The following CEP290 variants were observed in gnomAD, a reference collection of about 807,000 sequenced individuals.
CEP290 encodes centrosomal protein of 290 kDa.
In CEP290, 317 loss-of-function variants were observed where a neutral mutation model predicts 344.9. That is an observed-to-expected ratio of 0.92 (90% CI 0.84 to 1.01). CEP290 has a LOEUF of 1.01. CEP290 is among the 50% of genes least tolerant of loss of function. The probability of loss-of-function intolerance (pLI) is 0.00; values close to 1 mark genes in which losing one functional copy is unlikely to be tolerated. For missense variants in CEP290, 2,754 were observed against 2,761.4 expected (o/e 1.00, Z 0.06); for synonymous variants, 932 against 895.8 (o/e 1.04, Z -0.72).
intron 6 of CEP290, among the ~76,000 whole-genome samples, chr12:88,134,627 T>C (rs980900040): frequency 6.6e-6 from 1 of 152,200 alleles, no homozygotes; most frequent in African/African-American, 2.4e-5. Flanking sequence ...TTACCATTTA[T>C]AAGCTGTGCA....
At chr12:88,085,054 A>AT (rs1428452609) in intron 34 of CEP290, among the ~76,000 whole-genome samples, 2 of 152,284 alleles carry the variant, frequency 1.3e-5, no homozygotes, top group Middle Eastern at 3.4e-3. Context: ...TTATAAGACT[A>AT]TTACATATGC....
intron 25 of CEP290, among the ~76,000 whole-genome samples, chr12:88,105,964 T>C (rs1036500353): frequency 2.6e-5 from 4 of 152,110 alleles, no homozygotes; most frequent in Admixed American, 6.5e-5. Context: ...GGAGTCTCAC[T>C]ATATTGCCTA....
chr12:88,106,575 A>G, intron 25 of CEP290, 100 bp downstream of exon 25: 1 of 699,270 alleles, frequency 1.4e-6, no homozygotes, highest in Non-Finnish European at 2.3e-6. Context: ...AATAAATGTT[A>G]ACTATTAATT....
intron 26 of CEP290, among the ~76,000 whole-genome samples, chr12:88,097,206 T>C (rs775674053): frequency 6.6e-6 from 1 of 152,086 alleles, no homozygotes; most frequent in Non-Finnish European, 1.5e-5. Context: ...CATACTGATA[T>C]GGTTTGGCTG....
chr12:88,120,732 C>T (rs2039348877), intron 14 of CEP290, among the ~76,000 whole-genome samples: 1 of 152,040 alleles, frequency 6.6e-6, no homozygotes, highest in African/African-American at 2.4e-5. Context: ...GCCCAATGAA[C>T]ACAGATAATA....
At position 88,083,172 on chromosome 12, in the gene CEP290, G is replaced by A. The variant is rs1477454662; in HGVS notation, c.4871C>T (p.Ala1624Val). Reference protein sequence around the residue: ...VPTNKHFIRLAEMEQTVAEQD... With the variant: ...VPTNKHFIRLVEMEQTVAEQD... The stretch of plus-strand genomic sequence containing the variant: ...TTCTGCTACTGTCTGTTCCATCTCA[G>A]CCAGACGAATAAAATGCTTGTTGGT... The change falls in exon 37 of 54, where the codon GCT becomes GTT. Residue 1624 changes from alanine to valine, a missense_variant. Transcript: ENST00000552810. The A allele has an allele frequency of 1.3e-6, 2 of 1,538,258 alleles. No individual in the cohort carries two copies. The highest frequency in any genetic ancestry group is 1.7e-6 in the Non-Finnish European group (2 of 1,145,004).
At chr12:88,091,278 G>A (rs1311348933) in intron 29 of CEP290, among the ~76,000 whole-genome samples, 7 of 151,936 alleles carry the variant, frequency 4.6e-5, no homozygotes, top group African/African-American at 1.7e-4. Flanking sequence ...CCATCACACA[G>A]TTAAGAACAC....
Position 88,084,574 on chromosome 12 carries a change from A to G in CEP290, c.4704+12T>C, listed in dbSNP as rs2137181292. 1.3e-6 allele frequency: 2 copies of G among 1,595,232 alleles called. No homozygotes were observed. Among genetic ancestry groups the G allele is most frequent in the Non-Finnish European group, 1.7e-6 (2 of 1,164,778 alleles). ...AATGGATAACAGCATAACTCATAAT[A>G]TAATAAAATACCTCTCTGGCTTTTT... is the stretch of plus-strand genomic sequence containing the variant. On this transcript the variant is annotated intron_variant, in intron 35 of 53. Coordinates refer to ENST00000552810, the MANE Select transcript of CEP290 (RefSeq NM_025114.4).
chr12:88,130,619 T>A lies in CEP290; in HGVS notation c.496-54A>T, dbSNP rs2040011160. On this transcript the variant is annotated intron_variant, in intron 7 of 53. Coordinates refer to ENST00000552810, the MANE Select transcript of CEP290 (RefSeq NM_025114.4). ...TAGAAATGAGAAAGGTAATACATAA[T>A]TAAAAATAATAATCAGAAACTAAAG... The A allele has an allele frequency of 2.8e-6, 4 of 1,444,662 alleles. No individual in the cohort carries two copies. The African/African-American group carries it at 4.4e-5, about 16-fold the overall frequency. 89.5% of individuals were successfully genotyped at this position (1,444,662 alleles called of 1,614,324 possible).
At chr12:88,092,355 T>C (rs1301190429) in intron 29 of CEP290, among the ~76,000 whole-genome samples, 1 of 152,074 alleles carries the variant, frequency 6.6e-6, no homozygotes, top group African/African-American at 2.4e-5. Context: ...AAACTTAAGT[T>C]TAAATACAAT....
At chr12:88,127,044 A>T (rs1278288701) in intron 11 of CEP290, among the ~76,000 whole-genome samples, 1 of 5,898 alleles carries the variant, frequency 1.7e-4, no homozygotes, top group Non-Finnish European at 1.4e-3. Flanking sequence ...TAAAACATAC[A>T]CAAATTAAAA....
Position 88,062,789 on chromosome 12 carries a change from A to G in CEP290, c.6271-11T>C. On this transcript the variant is annotated splice_polypyrimidine_tract_variant and intron_variant, in intron 45 of 53. Transcript: ENST00000552810. ...ATCTCTGACTTGATTCTGAAAGATA[A>G]CAAGCAAACATGTAATAATTTAACA... is the stretch of plus-strand genomic sequence containing the variant. 4.0e-6 allele frequency: 6 copies of G among 1,495,478 alleles called. No homozygotes were observed. Among genetic ancestry groups the G allele is most frequent in the Non-Finnish European group, 5.5e-6 (6 of 1,090,008 alleles). The allele number at this position is 1,495,478 out of a possible 1,614,324, so 92.6% of individuals were successfully genotyped here. A position where few individuals can be genotyped will look rare whatever the true frequency, so the allele number is the denominator to read the frequency against.
At chr12:88,104,496 G>A (rs1008346824) in intron 25 of CEP290, among the ~76,000 whole-genome samples, 2 of 151,858 alleles carry the variant, frequency 1.3e-5, no homozygotes, top group African/African-American at 2.4e-5. Flanking sequence ...AATATGAAAG[G>A]CGTAAGACCA....
At chr12:88,062,168 T>G (rs928430357) in intron 46 of CEP290, among the ~76,000 whole-genome samples, 1 of 152,188 alleles carries the variant, frequency 6.6e-6, no homozygotes, top group African/African-American at 2.4e-5. Context: ...TGCATTATGA[T>G]TGCTTCCATT....
rs1218961716 is a variant in CEP290 at position 88,053,326 on chromosome 12, T to G, written c.7129+326A>C. Among the ~76,000 whole-genome samples the G allele has an allele frequency of 2.0e-5, 3 of 152,154 alleles. No individual in the cohort carries two copies. In the East Asian group the frequency reaches 5.8e-4, roughly 29 times the overall value. On this transcript the variant is annotated intron_variant, in intron 52 of 53. Transcript: ENST00000552810. ...CAGTTTTTAAAAATGTTCAGAGGAC[T>G]TGAAAGAGCCTATACTTAGAAACTG...
intron 29 of CEP290, among the ~76,000 whole-genome samples, 193 bp from the exon 30 acceptor site, chr12:88,091,032 C>T (rs552108089): frequency 2.0e-5 from 3 of 152,154 alleles, no homozygotes; most frequent in East Asian, 3.9e-4. Flanking sequence ...ATCATGTTTG[C>T]TATATAAAAA....
intron 41 of CEP290, among the ~76,000 whole-genome samples, chr12:88,073,000 A>G (rs1378860471): frequency 1.3e-5 from 2 of 152,188 alleles, no homozygotes; most frequent in Non-Finnish European, 2.9e-5. Context: ...ATGGTTTATT[A>G]TAACTATGAT....
chr12:88,121,139 T>C lies in CEP290; in HGVS notation c.1217A>G (p.His406Arg), dbSNP rs2039373451. 9.9e-6 allele frequency: 16 copies of C among 1,613,164 alleles called. No individual in the cohort carries two copies. The highest frequency in any genetic ancestry group is 1.4e-5 in the Non-Finnish European group (16 of 1,179,524). The change falls in exon 14 of 54, where the codon CAT (histidine) becomes CGT (arginine). Residue 406 changes from histidine to arginine, a missense_variant. His to Arg is a conservative substitution (Grantham distance 29). Transcript: ENST00000552810. ...KGASTLSQQT[H>R]MKIQSTLDIL... Reference sequence around the variant, plus strand: ...GTCTAACGTTGACTGAATTTTCATATGAGTCTGTTGAGAAAGGGTTGAAGC... The same window carrying C: ...GTCTAACGTTGACTGAATTTTCATACGAGTCTGTTGAGAAAGGGTTGAAGC...
intron 15 of CEP290, among the ~76,000 whole-genome samples, chr12:88,119,476 A>T (rs2039269408): frequency 2.0e-5 from 3 of 152,170 alleles, no homozygotes; most frequent in Admixed American, 2.0e-4. Flanking sequence ...AGTCTAAATT[A>T]TAAAAATCAA....
Sources: allele counts gnomAD v4.1 joint callset (sites outside exome capture counted in the v4.1 genomes callset), GRCh38; gene constraint gnomAD v4.1.1; transcripts MANE v1.5; gene names NCBI Gene and HGNC (gene_info 2026-07-23, HGNC 2026-07-21).